TMF1: variants seen among roughly 807,000 people sequenced by gnomAD.
TMF1 encodes TATA element modulatory factor 1, also known as TATA element modulatory factor.
TMF1 carries 71 observed loss-of-function variants against 126.5 expected under a neutral mutation model. That is an observed-to-expected ratio of 0.56 (90% confidence interval 0.46 to 0.68). The LOEUF (loss-of-function observed/expected upper bound fraction) is 0.68. TMF1 is among the 30% of genes least tolerant of loss of function. TMF1 has a pLI of 0.00. For synonymous variants in TMF1, 461 were observed against 430.5 expected, an observed-to-expected ratio of 1.07 and a Z score of -0.88; for missense variants, 1,259 against 1,253.2, an observed-to-expected ratio of 1.00 and a Z score of -0.07.
intron 1 of TMF1, among the ~76,000 whole-genome samples, chr3:69,051,653 A>AG (rs755886151): frequency 6.6e-5 from 10 of 152,052 alleles, no homozygotes; most frequent in Non-Finnish European, 1.3e-4. Context: ...AGCTGCGTCG[A>AG]GGGAGAGCTT....
At chr3:69,043,983 T>A in intron 3 of TMF1, 107 bp from the exon 4 acceptor site, 1 of 845,242 alleles carries the variant, frequency 1.2e-6, no homozygotes, top group Non-Finnish European at 1.7e-6. Flanking sequence ...ACATATACCT[T>A]ATTAAAATAG....
intron 5 of TMF1, chr3:69,042,207 T>C (rs1303562435): frequency 2.7e-6 from 1 of 375,954 alleles, no homozygotes; most frequent in Non-Finnish European, 5.2e-6. Flanking sequence ...CCGGCTAATT[T>C]TTGTATTTTT....
At chr3:69,042,758 T>C in intron 5 of TMF1, 49 bp downstream of exon 5, 2 of 1,468,376 alleles carry the variant, frequency 1.4e-6, no homozygotes, top group South Asian at 2.3e-5. Flanking sequence ...GGCAAGTACT[T>C]TTCCTGTTCT....
chr3:69,034,371 G>T (rs932818152), intron 9 of TMF1, among the ~76,000 whole-genome samples: 3 of 152,090 alleles, frequency 2.0e-5, no homozygotes, highest in Non-Finnish European at 4.4e-5. Context: ...TACTTGGGAG[G>T]CTGAGGCAGG....
In TMF1 at chr3:69,047,639, C is replaced by T. The variant is rs376477050; in HGVS notation, c.1066G>A (p.Val356Met). ...GTTGAAGAATTAACTATAATAGGCA[C>T]TAAAGCATATCCCTTGCCTGACAAT... ...DELSGKGYAL[V>M]PIIVNSSTPK... is the part of the protein sequence containing the mutation. Residue 356 changes from valine (V) to methionine (M), a missense_variant, in exon 2 of 17, where the codon GTG (valine) becomes ATG (methionine). Coordinates refer to ENST00000398559, the MANE Select transcript of TMF1 (RefSeq NM_007114.3). The T allele has an allele frequency of 6.2e-6, 10 of 1,614,108 alleles. No individual in the cohort carries two copies. The African/African-American group carries it at 1.2e-4, about 19-fold the overall frequency.
At chr3:69,050,245 G>C (rs2091919095) in intron 1 of TMF1, among the ~76,000 whole-genome samples, 1 of 149,280 alleles carries the variant, frequency 6.7e-6, no homozygotes, top group Non-Finnish European at 1.5e-5. Context: ...GGATGACAGA[G>C]TGAGACTGTG....
chr3:69,034,267 G>A (rs1575812840), intron 9 of TMF1, among the ~76,000 whole-genome samples: 1 of 152,108 alleles, frequency 6.6e-6, no homozygotes, highest in Non-Finnish European at 1.5e-5. Flanking sequence ...GAAGTCAGGA[G>A]TTCAAGACCA....
intron 2 of TMF1, 109 bp downstream of exon 2, chr3:69,047,249 G>T: frequency 7.6e-7 from 1 of 1,309,934 alleles, no homozygotes; most frequent in Non-Finnish European, 1.0e-6. Flanking sequence ...AAATGCGTAT[G>T]TTTTTAAATC....
chr3:69,032,798 C>CG (rs749483085), intron 10 of TMF1, among the ~76,000 whole-genome samples: 6 of 151,686 alleles, frequency 4.0e-5, no homozygotes, highest in Admixed American at 6.6e-5. Flanking sequence ...TTGGTAGAGA[C>CG]GGGGGTCTCA....
chr3:69,033,456 G>A, intron 10 of TMF1, 92 bp downstream of exon 10: 5 of 1,381,106 alleles, frequency 3.6e-6, no homozygotes, highest in South Asian at 1.5e-5. Flanking sequence ...GTAACTATCA[G>A]ATCAAATGAA....
intron 13 of TMF1, among the ~76,000 whole-genome samples, chr3:69,026,426 G>A (rs763700687): frequency 1.2e-4 from 19 of 152,002 alleles, no homozygotes; most frequent in African/African-American, 4.6e-4. Context: ...GAAAAACCTC[G>A]TCTCTACTAA....
chr3:69,051,775 A>G (rs984309850), intron 1 of TMF1, among the ~76,000 whole-genome samples, 170 bp downstream of exon 1: 1 of 152,208 alleles, frequency 6.6e-6, no homozygotes. Flanking sequence ...TCAGGAAAAC[A>G]GCAAAGACCG....
At chr3:69,028,626 C>A (rs966856431) in intron 11 of TMF1, among the ~76,000 whole-genome samples, 1 of 152,120 alleles carries the variant, frequency 6.6e-6, no homozygotes, top group Non-Finnish European at 1.5e-5. Flanking sequence ...TTAGGGAGTT[C>A]TATGAAAATG....
At chr3:69,024,232 A>T in intron 15 of TMF1, 52 bp from the exon 16 acceptor site, 8 of 1,436,060 alleles carry the variant, frequency 5.6e-6, no homozygotes, top group South Asian at 4.4e-5. Context: ...CTTTTTTAAT[A>T]CTCCCAGTAA....
chr3:69,032,823 C>T (rs1435205263), intron 10 of TMF1, among the ~76,000 whole-genome samples: 1 of 152,014 alleles, frequency 6.6e-6, no homozygotes, highest in East Asian at 1.9e-4. Context: ...GTTGGCCAGG[C>T]TGGTCTTGAA....
intron 16 of TMF1, 61 bp downstream of exon 16, chr3:69,023,994 T>G: frequency 5.4e-4 from 787 of 1,454,364 alleles, no homozygotes; most frequent in Middle Eastern, 7.4e-4. Context: ...ATTAAAAACA[T>G]GAGATTTAAA....
intron 9 of TMF1, 31 bp from the exon 10 acceptor site, chr3:69,033,735 A>C: frequency 6.4e-7 from 1 of 1,561,438 alleles, no homozygotes; most frequent in Non-Finnish European, 8.6e-7. Context: ...GTCATTACCA[A>C]TGACAGCAAT....
At chr3:69,040,017 A>G (rs2091854841) in intron 5 of TMF1, among the ~76,000 whole-genome samples, 1 of 152,230 alleles carries the variant, frequency 6.6e-6, no homozygotes, top group South Asian at 2.1e-4. Context: ...CAGCCTGACA[A>G]TATGTGTCTG....
Position 69,044,595 on chromosome 3 carries a change from T to C in TMF1, c.1348A>G (p.Thr450Ala). ...AGCTTTTCATTCAGAAATTCAACTG[T>C]CTGGATAAGGCGAATACATAAAAGT... The part of the protein sequence containing the change: ...ALSEKEDVCK[T>A]VEFLNEKLEK... The change falls in exon 3 of 17, where the codon ACA (threonine) becomes GCA (alanine). Residue 450 changes from threonine to alanine, a missense_variant and splice_region_variant. Coordinates refer to ENST00000398559, the MANE Select transcript of TMF1 (RefSeq NM_007114.3). The C allele has an allele frequency of 1.3e-6, 2 of 1,599,900 alleles. No homozygotes were observed. Among genetic ancestry groups the C allele is most frequent in the South Asian group, 2.2e-5 (2 of 88,938 alleles).
Sources: gnomAD v4.1 joint callset for allele counts (sites outside exome capture counted in the v4.1 genomes callset) on GRCh38, gnomAD v4.1.1 for gene constraint, MANE v1.5 for transcripts, NCBI Gene and HGNC (gene_info 2026-07-23, HGNC 2026-07-21) for gene names.